The following BMAL1 variants were observed in gnomAD, a reference collection of about 807,000 sequenced individuals.
The protein encoded by BMAL1 is basic helix-loop-helix ARNT-like protein 1.
the BMAL1 span, chr11:13,365,377 T>A: frequency 4.1e-6 from 3 of 730,172 alleles, no homozygotes; most frequent in South Asian, 1.8e-5. Flanking sequence ...AGGATATCAC[T>A]GAAACTGTTA....
the BMAL1 span, chr11:13,372,380 A>G: frequency 6.2e-7 from 1 of 1,614,228 alleles, no homozygotes. Context: ...GGCACGCGAT[A>G]GATGGAAAGT....
the BMAL1 span, among the ~76,000 whole-genome samples, chr11:13,333,551 T>C: frequency 6.6e-6 from 1 of 152,298 alleles, no homozygotes; most frequent in East Asian, 1.9e-4. Flanking sequence ...TCAGCACTTA[T>C]TTACTCATTT....
the BMAL1 span, among the ~76,000 whole-genome samples, chr11:13,299,834 G>T: frequency 1.3e-5 from 2 of 152,182 alleles, no homozygotes; most frequent in Non-Finnish European, 2.9e-5. Context: ...TTAGCAGCAA[G>T]TGAGCAAATC....
chr11:13,298,932 C>G, the BMAL1 span, among the ~76,000 whole-genome samples: 143,219 of 152,290 alleles, frequency 0.94, 67,652 homozygotes, highest in East Asian at 1. Context: ...GTTCCAATTG[C>G]AATTCCTGTG....
chr11:13,349,973 A>G, the BMAL1 span: 1 of 152,216 alleles, frequency 6.6e-6, no homozygotes, highest in Non-Finnish European at 1.5e-5. Flanking sequence ...CCGCCTGAAA[A>G]GAAATTATAA....
At chr11:13,374,375 AT>A in the BMAL1 span, among the ~76,000 whole-genome samples, 1 of 152,194 alleles carries the variant, frequency 6.6e-6, no homozygotes, top group Non-Finnish European at 1.5e-5. Context: ...GGCACTGTTT[AT>A]CCCCCTTGTA....
At chr11:13,355,479 A>G in the BMAL1 span, among the ~76,000 whole-genome samples, 2 of 152,214 alleles carry the variant, frequency 1.3e-5, no homozygotes, top group African/African-American at 2.4e-5. Flanking sequence ...GGCCTCTGTC[A>G]TCTGGACCTG....
At chr11:13,299,475 G>A in the BMAL1 span, among the ~76,000 whole-genome samples, 2 of 152,258 alleles carry the variant, frequency 1.3e-5, no homozygotes, top group East Asian at 3.9e-4. Flanking sequence ...GGGAGGGGTG[G>A]TTAGGTAGGT....
chr11:13,369,894 C>A, the BMAL1 span: 1 of 1,141,808 alleles, frequency 8.8e-7, no homozygotes, highest in Non-Finnish European at 1.2e-6. Flanking sequence ...GGACTGCAGA[C>A]AGGACCCTGC....
At chr11:13,358,372 G>T in the BMAL1 span, 2 of 1,428,932 alleles carry the variant, frequency 1.4e-6, no homozygotes, top group Non-Finnish European at 1.8e-6. Flanking sequence ...ATTTATTTTT[G>T]TCATCTTTTC....
the BMAL1 span, among the ~76,000 whole-genome samples, chr11:13,370,414 G>A: frequency 6.6e-6 from 1 of 152,092 alleles, no homozygotes; most frequent in Non-Finnish European, 1.5e-5. Context: ...AAATCAACCT[G>A]CTTTGGATAT....
the BMAL1 span, among the ~76,000 whole-genome samples, chr11:13,309,377 C>A: frequency 3.3e-5 from 5 of 152,048 alleles, no homozygotes; most frequent in Admixed American, 6.6e-5. Context: ...TTTGGGCCTG[C>A]CTTCTTAGAT....
the BMAL1 span, among the ~76,000 whole-genome samples, chr11:13,322,324 G>A: frequency 7.2e-5 from 11 of 152,176 alleles, no homozygotes; most frequent in Middle Eastern, 3.4e-3. Flanking sequence ...ATTATACCTC[G>A]CAACACCCTG....
the BMAL1 span, among the ~76,000 whole-genome samples, chr11:13,373,441 G>A: frequency 6.6e-6 from 1 of 152,176 alleles, no homozygotes; most frequent in South Asian, 2.1e-4. Flanking sequence ...TGATAAAAAG[G>A]AGGCAGCAAA....
At chr11:13,329,840 G>T in the BMAL1 span, among the ~76,000 whole-genome samples, 1 of 152,148 alleles carries the variant, frequency 6.6e-6, no homozygotes, top group Non-Finnish European at 1.5e-5. Context: ...GATCCAAACT[G>T]ATGAGTCAGG....
the BMAL1 span, among the ~76,000 whole-genome samples, chr11:13,286,993 A>G: frequency 3.3e-5 from 5 of 152,158 alleles, no homozygotes; most frequent in Non-Finnish European, 7.4e-5. Flanking sequence ...AATTTTTTTC[A>G]AGGTTTTAGA....
chr11:13,368,927 C>T, the BMAL1 span, among the ~76,000 whole-genome samples: 5 of 152,142 alleles, frequency 3.3e-5, 1 homozygote, highest in South Asian at 4.1e-4. Flanking sequence ...CTAATAAGTT[C>T]GTTCACATTC....
chr11:13,366,903 C>T, the BMAL1 span: 1 of 580,222 alleles, frequency 1.7e-6, no homozygotes, highest in Non-Finnish European at 2.9e-6. Flanking sequence ...TCTCTGTCCT[C>T]TTTCTGGGGC....
chr11:13,305,954 A>G, the BMAL1 span, among the ~76,000 whole-genome samples: 1 of 152,218 alleles, frequency 6.6e-6, no homozygotes, highest in African/African-American at 2.4e-5. Context: ...CTATATGCAG[A>G]AAAGGAAATG....
Sources: gnomAD v4.1 joint callset for allele counts (sites outside exome capture counted in the v4.1 genomes callset) on GRCh38, gnomAD v4.1.1 for gene constraint, MANE v1.5 for transcripts, NCBI Gene and HGNC (gene_info 2026-07-23, HGNC 2026-07-21) for gene names.